The following UBE2K variants were observed in gnomAD, a reference collection of about 807,000 sequenced individuals.
The protein encoded by UBE2K is ubiquitin conjugating enzyme E2 K.
Under a neutral mutation model 30.0 loss-of-function variants are expected in UBE2K, and 6 were observed. That is an observed-to-expected ratio of 0.20 (90% CI 0.11 to 0.39). The LOEUF (loss-of-function observed/expected upper bound fraction) is 0.39. UBE2K is among the 10% of genes least tolerant of loss of function. UBE2K has a pLI of 1.00. For synonymous variants in UBE2K, 86 were observed against 83.7 expected (o/e 1.03, Z -0.15); for missense variants, 61 against 241.6 (o/e 0.25, Z 4.96).
chr4:39,756,998 G>T (rs1184339700), intron 4 of UBE2K, among the ~76,000 whole-genome samples: 1 of 132,466 alleles, frequency 7.5e-6, no homozygotes, highest in Admixed American at 7.9e-5. Flanking sequence ...GTTTTTTTGG[G>T]TGTTTTTTTT....
chr4:39,707,665 G>A (rs1718444916), intron 1 of UBE2K, among the ~76,000 whole-genome samples: 1 of 149,386 alleles, frequency 6.7e-6, no homozygotes, highest in African/African-American at 2.6e-5. Flanking sequence ...GGGACTACAG[G>A]TGTGTGCCAC....
intron 5 of UBE2K, among the ~76,000 whole-genome samples, chr4:39,776,860 C>T (rs1174818400): frequency 6.6e-6 from 1 of 152,078 alleles, no homozygotes; most frequent in African/African-American, 2.4e-5. Flanking sequence ...GAGCTCTAAG[C>T]CTTACACGTT....
At chr4:39,770,128 T>C in intron 4 of UBE2K, 1 of 1,594,094 alleles carries the variant, frequency 6.3e-7, no homozygotes, top group Non-Finnish European at 8.5e-7. Flanking sequence ...TCCAGCACGT[T>C]CTCGGCGGTG....
intron 4 of UBE2K, among the ~76,000 whole-genome samples, chr4:39,772,161 C>T (rs1339238428): frequency 6.6e-6 from 1 of 152,052 alleles, no homozygotes; most frequent in Non-Finnish European, 1.5e-5. Context: ...TCGTAGGCAT[C>T]TAGGGAAGTA....
chr4:39,747,833 G>C lies in UBE2K; in HGVS notation c.216+2023G>C, dbSNP rs192484994. On this transcript the variant is annotated intron_variant, in intron 3 of 6. Coordinates refer to ENST00000261427, the MANE Select transcript of UBE2K (RefSeq NM_005339.5). ...TTTTTTTTTTTTGAGATGGAGTCTC[G>C]CTCTGCCGCCCAGGCTGGAGTACAG... is the stretch of plus-strand genomic sequence containing the variant. Among the ~76,000 whole-genome samples the C allele has an allele frequency of 8.8e-3, 1,306 of 148,376 alleles. 8 individuals are homozygous for C. Among genetic ancestry groups the C allele is most frequent in the Non-Finnish European group, 0.013 (891 of 67,370 alleles).
At chr4:39,760,472 A>G (rs1174364533) in intron 4 of UBE2K, among the ~76,000 whole-genome samples, 1 of 152,256 alleles carries the variant, frequency 6.6e-6, no homozygotes, top group Non-Finnish European at 1.5e-5. Context: ...ACAGTAAAAA[A>G]GAGCCTATCA....
chr4:39,700,697 C>T (rs1560334677), intron 1 of UBE2K, among the ~76,000 whole-genome samples: 1 of 152,050 alleles, frequency 6.6e-6, no homozygotes, highest in African/African-American at 2.4e-5. Flanking sequence ...TTTGGTAAAT[C>T]AGCACTTTAC....
chr4:39,706,527 C>T (rs1430167987), intron 1 of UBE2K, among the ~76,000 whole-genome samples: 2 of 150,226 alleles, frequency 1.3e-5, no homozygotes, highest in East Asian at 3.9e-4. Flanking sequence ...GGCTGGAGTC[C>T]AGTAGCATGA....
chr4:39,698,516 G>A, intron 1 of UBE2K, 126 bp downstream of exon 1: 1 of 837,774 alleles, frequency 1.2e-6, no homozygotes, highest in South Asian at 1.5e-5. Context: ...TGCCTGTGAG[G>A]AAGCAGCAGT....
chr4:39,776,080 C>G (rs1713269751), intron 5 of UBE2K, among the ~76,000 whole-genome samples: 1 of 152,076 alleles, frequency 6.6e-6, no homozygotes, highest in Non-Finnish European at 1.5e-5. Context: ...TGGTGTTTAA[C>G]TAAATTGGTA....
intron 1 of UBE2K, among the ~76,000 whole-genome samples, chr4:39,709,123 A>T (rs765123736): frequency 6.6e-6 from 1 of 151,888 alleles, no homozygotes; most frequent in Non-Finnish European, 1.5e-5. Context: ...AATCTGTAAA[A>T]ATGTGGGAAG....
rs550725776 is a variant in UBE2K at position 39,758,086 on chromosome 4, A to G, written c.299+2347A>G. Among the ~76,000 whole-genome samples, 18 of 152,314 alleles carry G rather than the reference A, an allele frequency of 1.2e-4. No homozygotes were observed. In the South Asian group the frequency reaches 3.3e-3, roughly 28 times the overall value. ...AACATATCAAACATAAACTGAACTG[A>G]TAGTCTCCTAACCTGAAACCTGCTT... On this transcript the variant is annotated intron_variant, in intron 4 of 6. Transcript: ENST00000261427.
rs1320237773 is a variant in UBE2K at position 39,745,233 on chromosome 4, A to C, written c.158-519A>C. ...CACAAATATTAACAAATAAGTATTG[A>C]CATTTAATTTAGGGCACAAATGAAA... On this transcript the variant is annotated intron_variant, in intron 2 of 6. Transcript: ENST00000261427. Among the ~76,000 whole-genome samples the C allele has an allele frequency of 2.0e-5, 3 of 152,240 alleles. 1 individual carries two copies. The highest frequency in any genetic ancestry group is 2.0e-4 in the Admixed American group (3 of 15,284).
intron 4 of UBE2K, chr4:39,770,568 G>A (rs1712726887): frequency 9.5e-6 from 15 of 1,587,036 alleles, no homozygotes; most frequent in East Asian, 4.6e-5. Context: ...CACCAGGCCC[G>A]AGGTGGCCCC....
chr4:39,745,140 A>G (rs891808094), intron 2 of UBE2K, among the ~76,000 whole-genome samples: 1 of 152,190 alleles, frequency 6.6e-6, no homozygotes, highest in Non-Finnish European at 1.5e-5. Flanking sequence ...TGTTGGGATT[A>G]CAAGGCATTA....
intron 3 of UBE2K, among the ~76,000 whole-genome samples, chr4:39,755,185 C>A (rs545560618): frequency 6.6e-6 from 1 of 152,142 alleles, no homozygotes; most frequent in African/African-American, 2.4e-5. Context: ...AGAAAAAATT[C>A]TACAGAAAAA....
rs1324097197 is a variant in UBE2K, at chr4:39,757,020, T to TG, written c.299+1281_299+1282insG. ...TGGGTGTTTTTTTTTTGTTTTTTGTTTTTTGTTTTTTGTTTTTTTTTTGAG... is the reference window on the plus strand; with the variant it reads ...TGGGTGTTTTTTTTTTGTTTTTTGTTGTTTTGTTTTTTGTTTTTTTTTTGAG... On this transcript the variant is annotated intron_variant, in intron 4 of 6. Coordinates refer to ENST00000261427, the MANE Select transcript of UBE2K (RefSeq NM_005339.5). 1.1e-4 allele frequency among the ~76,000 whole-genome samples: 11 copies of TG among 96,580 alleles called. 1 individual carries two copies. The highest frequency in any genetic ancestry group is 2.1e-4 in the Non-Finnish European group (10 of 48,096). 63.4% of individuals were successfully genotyped at this position (96,580 alleles called of 152,430 possible).
Position 39,777,827 on chromosome 4 carries a change from A to T in UBE2K, c.528+17A>T. 2 of 1,395,110 alleles carry T rather than the reference A, an allele frequency of 1.4e-6. No homozygotes were observed. Among genetic ancestry groups the T allele is most frequent in the Non-Finnish European group, 1.9e-6 (2 of 1,068,544 alleles). The allele number at this position is 1,395,110 out of a possible 1,614,324, so 86.4% of individuals were successfully genotyped here. ...TTTGATAGGGTAAGTACATAAGGGC[A>T]TGTTGATTTTGATATATTGATTGAT... On this transcript the variant is annotated intron_variant, in intron 6 of 6. Transcript: ENST00000261427.
intron 4 of UBE2K, among the ~76,000 whole-genome samples, chr4:39,772,499 A>G (rs1712957275): frequency 6.6e-6 from 1 of 151,762 alleles, no homozygotes; most frequent in Non-Finnish European, 1.5e-5. Flanking sequence ...CACCTGAGCC[A>G]AAGAGGTCAA....
Sources: gnomAD v4.1 joint callset for allele counts (sites outside exome capture counted in the v4.1 genomes callset) on GRCh38, gnomAD v4.1.1 for gene constraint, MANE v1.5 for transcripts, NCBI Gene and HGNC (gene_info 2026-07-23, HGNC 2026-07-21) for gene names.